Variants in DST observed in about 807,000 individuals in gnomAD.
The protein encoded by DST is dystonin.
In DST, 253 loss-of-function variants were observed where a neutral mutation model predicts 875.2. The ratio of observed to expected loss-of-function variants is 0.29; its 90% CI spans 0.26 to 0.32. DST has a LOEUF of 0.32. Ranked by LOEUF, DST falls within the 10% of genes least tolerant of loss-of-function variation. The pLI, the probability that DST is intolerant of heterozygous loss-of-function variation, is 1.00. For synonymous variants in DST, 3,124 were observed against 3,197.1 expected, an observed-to-expected ratio of 0.98 and a Z score of 0.77; for missense variants, 8,287 against 9,111.6, an observed-to-expected ratio of 0.91 and a Z score of 3.68.
intron 4 of DST, among the ~76,000 whole-genome samples, chr6:56,779,545 T>C (rs926574275): frequency 6.6e-6 from 1 of 152,152 alleles, no homozygotes; most frequent in African/African-American, 2.4e-5. Context: ...TTAATCCATC[T>C]TGAATTAATT....
intron 69 of DST, among the ~76,000 whole-genome samples, chr6:56,523,941 C>G (rs763862680): frequency 6.6e-6 from 1 of 152,018 alleles, no homozygotes; most frequent in Non-Finnish European, 1.5e-5. Context: ...CTATTTCATA[C>G]AGAGAAGAGA....
intron 10 of DST, among the ~76,000 whole-genome samples, chr6:56,660,933 C>G (rs966466268): frequency 1.3e-5 from 2 of 151,656 alleles, no homozygotes; most frequent in Non-Finnish European, 2.9e-5. Flanking sequence ...AGGTTAGAGT[C>G]TAACAAATTC....
At chr6:56,601,299 C>T in intron 44 of DST, 144 bp downstream of exon 44, 3 of 587,876 alleles carry the variant, frequency 5.1e-6, no homozygotes, top group South Asian at 2.3e-5. Flanking sequence ...TATTGTTATA[C>T]ACTGTAGGAT....
intron 5 of DST, among the ~76,000 whole-genome samples, chr6:56,728,742 C>T (rs529027973): frequency 7.1e-4 from 108 of 152,138 alleles, no homozygotes; most frequent in African/African-American, 2.4e-3. Context: ...AAATGCAATA[C>T]CTGACCCTGA....
At chr6:56,635,243 A>G (rs1188521570) in intron 24 of DST, among the ~76,000 whole-genome samples, 1 of 152,204 alleles carries the variant, frequency 6.6e-6, no homozygotes, top group Non-Finnish European at 1.5e-5. Flanking sequence ...CCACAAAGGT[A>G]GAGATTCTTG....
rs142225921 is a variant in DST, at chr6:56,524,002, G to A, written c.18129+2359C>T. 7.9e-3 allele frequency among the ~76,000 whole-genome samples: 1,196 copies of A among 152,166 alleles called. 5 individuals carry two copies. Among genetic ancestry groups the A allele is most frequent in the Non-Finnish European group, 0.015 (1,017 of 67,992 alleles). ...ATGCAAAACAGATAGTCCAAAATAC[G>A]TGGCTAATGTCCAGGTCTAAAGATA... On this transcript the variant is annotated intron_variant, in intron 69 of 103. Coordinates refer to ENST00000680361, the MANE Select transcript of DST (RefSeq NM_001374736.1).
At chr6:56,839,197 T>C (rs2099797081) in intron 4 of DST, among the ~76,000 whole-genome samples, 2 of 152,184 alleles carry the variant, frequency 1.3e-5, no homozygotes, top group Middle Eastern at 3.2e-3. Flanking sequence ...AACCACAAGA[T>C]ACACTATAAA....
In DST at chr6:56,607,958, C is replaced by T. The variant is rs532352776; in HGVS notation, c.6670G>A (p.Gly2224Arg). 6 of 1,613,566 alleles carry T rather than the reference C, an allele frequency of 3.7e-6. No individual in the cohort carries two copies. The Admixed American group carries it at 6.7e-5, about 18-fold the overall frequency. Residue 2224 changes from glycine to arginine, a missense_variant, in exon 40 of 104, where the codon GGA becomes AGA. Transcript: ENST00000680361. ...NTGQRLLLYDGDLDEAVGMLL... is the reference protein window; with the variant it reads ...NTGQRLLLYDRDLDEAVGMLL... ...ATGCCAACAGCCTCATCCAAGTCTC[C>T]ATCGTACAGCAAAAGCCTTTGCCCT...
chr6:56,743,628 TAC>T (rs2099556119), intron 4 of DST, among the ~76,000 whole-genome samples: 1 of 152,130 alleles, frequency 6.6e-6, no homozygotes, highest in South Asian at 2.1e-4. Flanking sequence ...TGTTCTCAAT[TAC>T]ACACACACAT....
chr6:56,585,529 T>A (rs2152666668), intron 49 of DST, among the ~76,000 whole-genome samples: 1 of 152,254 alleles, frequency 6.6e-6, no homozygotes, highest in African/African-American at 2.4e-5. Flanking sequence ...ATTTTGTTGA[T>A]CCTTTCAAAA....
At chr6:56,805,051 A>G (rs969588945) in intron 4 of DST, among the ~76,000 whole-genome samples, 47 of 151,900 alleles carry the variant, frequency 3.1e-4, no homozygotes, top group African/African-American at 1.1e-3. Context: ...ATCATCATTT[A>G]TTCATTAAAA....
chr6:56,947,396 G>A (rs1003512793), intron 2 of DST, among the ~76,000 whole-genome samples: 10 of 151,904 alleles, frequency 6.6e-5, no homozygotes, highest in South Asian at 2.1e-4. Context: ...GACTACAGGC[G>A]TGCGCCACCA....
chr6:56,535,068 C>G (rs1460852160), intron 63 of DST, 54 bp downstream of exon 63: 6 of 1,586,978 alleles, frequency 3.8e-6, no homozygotes, highest in South Asian at 3.5e-5. Context: ...TGCATTTTTT[C>G]TCTTGTTATT....
At chr6:56,722,018 T>C (rs893585274) in intron 5 of DST, among the ~76,000 whole-genome samples, 2 of 152,240 alleles carry the variant, frequency 1.3e-5, no homozygotes, top group African/African-American at 4.8e-5. Context: ...CAATGAATTT[T>C]AGATTTCATA....
chr6:56,704,409 G>T, intron 5 of DST, 40 bp from the exon 6 acceptor site: 2 of 891,496 alleles, frequency 2.2e-6, no homozygotes, highest in Non-Finnish European at 3.5e-6. Context: ...CTAGAACTCA[G>T]AATTATCCTT....
chr6:56,637,789 C>T (rs1389387711), intron 22 of DST, among the ~76,000 whole-genome samples: 1 of 151,938 alleles, frequency 6.6e-6, no homozygotes, highest in African/African-American at 2.4e-5. Context: ...GCTTTAATGA[C>T]TATTTTAAGT....
In DST at chr6:56,607,638, A is replaced by G. The variant is rs753574916; in HGVS notation, c.6990T>C (p.Pro2330=). The change falls in exon 40 of 104, where the codon CCT becomes CCC. Residue 2330 remains proline, a synonymous_variant. Transcript: ENST00000680361. The stretch of plus-strand genomic sequence containing the variant: ...ACACACTGGGTGAACTGTTAACTTT[A>G]GGATCAATTGATATTGTACTTGCCA... ...GKLASTISID[P]KVNSSPSVCV... 2 of 1,613,412 alleles carry G rather than the reference A, an allele frequency of 1.2e-6. No individual in the cohort carries two copies. The highest frequency in any genetic ancestry group is 1.7e-6 in the Non-Finnish European group (2 of 1,179,644).
chr6:56,909,492 C>T (rs1797915160), intron 2 of DST, among the ~76,000 whole-genome samples: 1 of 152,328 alleles, frequency 6.6e-6, no homozygotes, highest in East Asian at 1.9e-4. Flanking sequence ...ATGAAAGAGG[C>T]CACTCTACCA....
chr6:56,780,385 C>A (rs529120938), intron 4 of DST, among the ~76,000 whole-genome samples: 2,691 of 151,608 alleles, frequency 0.018, 25 homozygotes, highest in Non-Finnish European at 0.028. Context: ...TCTCCAGCAC[C>A]TGTTGTTTCC....
Sources: gnomAD v4.1 joint callset for allele counts (sites outside exome capture counted in the v4.1 genomes callset) on GRCh38, gnomAD v4.1.1 for gene constraint, MANE v1.5 for transcripts, NCBI Gene and HGNC (gene_info 2026-07-23, HGNC 2026-07-21) for gene names.